SLC25A26: variants seen among roughly 807,000 people sequenced by gnomAD.
SLC25A26 encodes the protein mitochondrial S-adenosylmethionine carrier protein.
A neutral mutation model predicts 37.8 loss-of-function variants in SLC25A26; 36 were observed. That is an observed-to-expected ratio of 0.95 (90% confidence interval 0.73 to 1.26). The LOEUF is 1.26. Ranked by LOEUF, SLC25A26 falls within the 50% of genes most tolerant of loss-of-function variation. The pLI is 0.00. For synonymous variants in SLC25A26, 129 were observed against 122.5 expected, an observed-to-expected ratio of 1.05 and a Z score of -0.35; for missense variants, 390 against 331.1, an observed-to-expected ratio of 1.18 and a Z score of -1.38.
chr3:66,141,346 C>T (rs1005722924), intron 1 of SLC25A26, among the ~76,000 whole-genome samples: 4 of 151,754 alleles, frequency 2.6e-5, no homozygotes, highest in African/African-American at 7.3e-5. Context: ...TCTGCCTCAG[C>T]CTCCCAAGTA....
chr3:66,298,111 T>A (rs111966716), intron 5 of SLC25A26, among the ~76,000 whole-genome samples: 18 of 152,276 alleles, frequency 1.2e-4, no homozygotes, highest in African/African-American at 3.9e-4. Context: ...AAACTTGGGG[T>A]GAGGCCCAGA....
intron 6 of SLC25A26, among the ~76,000 whole-genome samples, chr3:66,358,595 G>T (rs1047379181): frequency 6.6e-6 from 1 of 152,180 alleles, no homozygotes; most frequent in African/African-American, 2.4e-5. Context: ...GTCCCATCCA[G>T]ATCCCAGCTT....
chr3:66,370,424 C>A (rs373632112), intron 8 of SLC25A26, 105 bp from the exon 9 acceptor site: 18 of 915,222 alleles, frequency 2.0e-5, no homozygotes, highest in African/African-American at 1.8e-4. Context: ...ACACTGTGTT[C>A]TAGATGAGGG....
At chr3:66,142,580 G>T (rs1303809059) in intron 1 of SLC25A26, among the ~76,000 whole-genome samples, 1 of 152,178 alleles carries the variant, frequency 6.6e-6, no homozygotes. Context: ...AACAGGCCTT[G>T]CTAAATTCTC....
chr3:66,226,680 T>A (rs2071770269), intron 1 of SLC25A26, among the ~76,000 whole-genome samples: 1 of 152,048 alleles, frequency 6.6e-6, no homozygotes, highest in African/African-American at 2.4e-5. Flanking sequence ...CAGGGCTGGT[T>A]TTGAAGTACT....
chr3:66,340,940 GGAGA>G (rs200200375), intron 5 of SLC25A26, among the ~76,000 whole-genome samples: 4 of 151,684 alleles, frequency 2.6e-5, no homozygotes, highest in South Asian at 2.1e-4. Flanking sequence ...AAATTCTGTT[GGAGA>G]GAGAGAGAAT....
At chr3:66,247,783 C>T (rs192313536) in intron 3 of SLC25A26, among the ~76,000 whole-genome samples, 38 of 152,208 alleles carry the variant, frequency 2.5e-4, no homozygotes, top group Admixed American at 4.6e-4. Context: ...ATACATATTA[C>T]GCCTTTCTTT....
intron 1 of SLC25A26, among the ~76,000 whole-genome samples, chr3:66,200,061 A>G (rs1052004460): frequency 1.3e-5 from 2 of 152,234 alleles, no homozygotes; most frequent in East Asian, 1.9e-4. Context: ...TTATTTTCAA[A>G]TATACTGCTT....
intron 5 of SLC25A26, among the ~76,000 whole-genome samples, chr3:66,276,944 C>T (rs1186151052): frequency 3.5e-5 from 5 of 143,022 alleles, no homozygotes; most frequent in African/African-American, 1.4e-4. Flanking sequence ...GAAGCTGCTT[C>T]CTGGCACTGT....
At position 66,207,657 on chromosome 3, in the gene SLC25A26, A is replaced by G. The variant is rs925255475; in HGVS notation, c.-353-13085A>G. Among the ~76,000 whole-genome samples the G allele has an allele frequency of 3.3e-4, 50 of 152,350 alleles. 1 individual carries two copies. The East Asian group carries it at 9.0e-3, about 28-fold the overall frequency. On this transcript the variant is annotated intron_variant, in intron 1 of 10. Coordinates refer to the SLC25A26 transcript ENST00000676754. ...TAATGTAAACAAATGCATAGTTAAA[A>G]CTAAATTATTTTCTCATTACAAAGT... is the stretch of plus-strand genomic sequence containing the variant.
At chr3:66,243,564 A>G (rs964174161) in intron 3 of SLC25A26, among the ~76,000 whole-genome samples, 1 of 152,226 alleles carries the variant, frequency 6.6e-6, no homozygotes, top group Non-Finnish European at 1.5e-5. Context: ...ACATAATTAT[A>G]TGGAAAAAAG....
intron 1 of SLC25A26, among the ~76,000 whole-genome samples, chr3:66,165,196 C>T (rs1190969557): frequency 6.6e-6 from 1 of 152,212 alleles, no homozygotes; most frequent in African/African-American, 2.4e-5. Context: ...CAACACCCAC[C>T]TTCAACTTGC....
At chr3:66,159,120 C>T (rs1022219574) in intron 1 of SLC25A26, among the ~76,000 whole-genome samples, 3 of 152,188 alleles carry the variant, frequency 2.0e-5, no homozygotes, top group Non-Finnish European at 2.9e-5. Context: ...CATGGCAACA[C>T]GGTGGGCCCG....
chr3:66,333,711 T>C (rs2076029278), intron 5 of SLC25A26, among the ~76,000 whole-genome samples: 1 of 152,198 alleles, frequency 6.6e-6, no homozygotes, highest in African/African-American at 2.4e-5. Flanking sequence ...CTGCCTTCCC[T>C]GTTCCCCACC....
At chr3:66,210,023 A>G (rs1348186749) in intron 1 of SLC25A26, among the ~76,000 whole-genome samples, 1 of 140,600 alleles carries the variant, frequency 7.1e-6, no homozygotes, top group Non-Finnish European at 1.5e-5. Flanking sequence ...GGCTTTTAGG[A>G]GTTTCGGATG....
At chr3:66,255,493 G>GTT (rs59041266) in intron 3 of SLC25A26, among the ~76,000 whole-genome samples, 68 of 139,832 alleles carry the variant, frequency 4.9e-4, no homozygotes, top group Admixed American at 2.6e-3. Flanking sequence ...GAGGGAGCAT[G>GTT]TTTTTTTTTT....
chr3:66,257,427 A>T (rs189536995), intron 3 of SLC25A26, among the ~76,000 whole-genome samples: 3 of 152,234 alleles, frequency 2.0e-5, no homozygotes, highest in Admixed American at 1.3e-4. Flanking sequence ...CTGGGGCCAC[A>T]GTCTAGGGCC....
chr3:66,155,114 C>T (rs917195482), intron 1 of SLC25A26, among the ~76,000 whole-genome samples: 1 of 152,206 alleles, frequency 6.6e-6, no homozygotes, highest in Non-Finnish European at 1.5e-5. Flanking sequence ...TGCTAGAATT[C>T]CACAAGGGCA....
chr3:66,220,892 C>T, upstream of SLC25A26: 1 of 621,596 alleles, frequency 1.6e-6, no homozygotes. Flanking sequence ...CTCCACCACA[C>T]TCCCCGAGGC....
Sources: gnomAD v4.1 joint callset for allele counts (sites outside exome capture counted in the v4.1 genomes callset) on GRCh38, gnomAD v4.1.1 for gene constraint, MANE v1.5 for transcripts, NCBI Gene and HGNC (gene_info 2026-07-23, HGNC 2026-07-21) for gene names.